The following EPHA5 variants were observed in gnomAD, a reference collection of about 807,000 sequenced individuals.
The protein encoded by EPHA5 is EPH receptor A5.
A neutral mutation model predicts 105.0 loss-of-function variants in EPHA5; 60 were observed. That is an observed-to-expected ratio of 0.57 (90% CI 0.46 to 0.71). EPHA5 has a LOEUF of 0.71. Among genes scored for constraint, EPHA5 ranks in the 30% least tolerant of loss-of-function variants. EPHA5 has a pLI of 0.00. For synonymous variants in EPHA5, 513 were observed against 449.1 expected (o/e 1.14, Z -1.80); for missense variants, 1,218 against 1,274.7 (o/e 0.96, Z 0.68).
At chr4:65,465,947 T>C (rs1225056242) in intron 5 of EPHA5, among the ~76,000 whole-genome samples, 2 of 152,238 alleles carry the variant, frequency 1.3e-5, no homozygotes, top group African/African-American at 4.8e-5. Context: ...AGTAAACAAA[T>C]TATACTATCC....
chr4:65,348,779 A>ATGTGTGTGTGTGTG (rs758698685), intron 13 of EPHA5, among the ~76,000 whole-genome samples: 2 of 69,568 alleles, frequency 2.9e-5, no homozygotes, highest in Admixed American at 2.4e-4. Context: ...ATGTGTGTGC[A>ATGTGTGTGTGTGTG]TGTGTGTGTG....
At chr4:65,339,275 C>T (rs1328359252) in intron 14 of EPHA5, among the ~76,000 whole-genome samples, 2 of 152,020 alleles carry the variant, frequency 1.3e-5, no homozygotes, top group Non-Finnish European at 2.9e-5. Context: ...GGTTGCTTTT[C>T]CCACCCACAG....
At chr4:65,467,149 G>A (rs1250537488) in intron 5 of EPHA5, among the ~76,000 whole-genome samples, 3 of 152,108 alleles carry the variant, frequency 2.0e-5, no homozygotes, top group Admixed American at 1.3e-4. Flanking sequence ...AAAGTACAAA[G>A]AGATTACTTT....
At chr4:65,377,154 G>A (rs1474984885) in intron 8 of EPHA5, 2 of 1,236,278 alleles carry the variant, frequency 1.6e-6, no homozygotes, top group East Asian at 5.4e-5. Flanking sequence ...TCAGGTGTCT[G>A]CTTTCCTTTT....
chr4:65,401,556 A>G (rs1488349786), intron 8 of EPHA5, among the ~76,000 whole-genome samples: 2 of 152,150 alleles, frequency 1.3e-5, no homozygotes, highest in African/African-American at 2.4e-5. Context: ...TTTCTAAAAA[A>G]CTATAAGCCT....
chr4:65,639,295 G>T (rs190536209), intron 2 of EPHA5, among the ~76,000 whole-genome samples: 1 of 152,248 alleles, frequency 6.6e-6, no homozygotes, highest in East Asian at 1.9e-4. Flanking sequence ...ATTTATAGTT[G>T]CACAGATTTT....
At chr4:65,367,573 G>A in intron 8 of EPHA5, 149 bp from the exon 9 acceptor site, 1 of 675,630 alleles carries the variant, frequency 1.5e-6, no homozygotes. Context: ...CTAGTAGTTT[G>A]GATGAGACCT....
rs901230232 is a variant in EPHA5 at position 65,491,552 on chromosome 4, A to G, written c.1067-840T>C. Reference sequence around the variant, plus strand: ...ACAAATATTTTCATAGAATCATAACATATTAACTACGAATAGCTTTCAGGA... The same window carrying G: ...ACAAATATTTTCATAGAATCATAACGTATTAACTACGAATAGCTTTCAGGA... On this transcript the variant is annotated intron_variant, in intron 4 of 16. Transcript: ENST00000613740. Among the ~76,000 whole-genome samples, 5 of 152,222 alleles carry G rather than the reference A, an allele frequency of 3.3e-5. No homozygotes were observed. In the East Asian group the frequency reaches 7.7e-4, roughly 24 times the overall value.
intron 3 of EPHA5, among the ~76,000 whole-genome samples, chr4:65,518,798 G>T (rs930844565): frequency 6.6e-6 from 1 of 152,096 alleles, no homozygotes; most frequent in East Asian, 1.9e-4. Flanking sequence ...AACAATAACA[G>T]GCTCTGAAAT....
chr4:65,416,595 G>A (rs528737007), intron 6 of EPHA5, among the ~76,000 whole-genome samples: 2 of 151,850 alleles, frequency 1.3e-5, no homozygotes, highest in Admixed American at 1.3e-4. Flanking sequence ...ATACTTTTTT[G>A]CCAAAAAGGA....
At chr4:65,542,497 A>T (rs982016599) in intron 3 of EPHA5, among the ~76,000 whole-genome samples, 1 of 151,988 alleles carries the variant, frequency 6.6e-6, no homozygotes, top group African/African-American at 2.4e-5. Context: ...TCCTGGACAC[A>T]TACACCCTCC....
chr4:65,441,605 G>A (rs1223113242), intron 5 of EPHA5, among the ~76,000 whole-genome samples: 1 of 152,098 alleles, frequency 6.6e-6, no homozygotes, highest in African/African-American at 2.4e-5. Flanking sequence ...CAATTGGAAT[G>A]ACCTAGAAGA....
At chr4:65,392,367 G>T (rs987219733) in intron 8 of EPHA5, among the ~76,000 whole-genome samples, 1 of 151,902 alleles carries the variant, frequency 6.6e-6, no homozygotes, top group Non-Finnish European at 1.5e-5. Context: ...TAAAATCAGG[G>T]ATTGTATATA....
chr4:65,503,144 G>A (rs1314883663), intron 3 of EPHA5, among the ~76,000 whole-genome samples: 1 of 151,662 alleles, frequency 6.6e-6, no homozygotes, highest in Non-Finnish European at 1.5e-5. Flanking sequence ...GTTGAGTCAG[G>A]GATGAAAAGC....
At chr4:65,436,041 G>A (rs917473675) in intron 5 of EPHA5, among the ~76,000 whole-genome samples, 1 of 151,958 alleles carries the variant, frequency 6.6e-6, no homozygotes, top group Non-Finnish European at 1.5e-5. Flanking sequence ...AATGGATAAT[G>A]ATAACAACCC....
intron 1 of EPHA5, among the ~76,000 whole-genome samples, chr4:65,653,882 T>G (rs78608907): frequency 0.082 from 12,516 of 152,112 alleles, 1,339 homozygotes; most frequent in African/African-American, 0.25. Flanking sequence ...ATATGCTTCA[T>G]ATCAGACCAT....
At chr4:65,626,695 T>C (rs964901687) in intron 2 of EPHA5, among the ~76,000 whole-genome samples, 1 of 152,192 alleles carries the variant, frequency 6.6e-6, no homozygotes, top group Non-Finnish European at 1.5e-5. Flanking sequence ...ACGATCTACA[T>C]GCTCACATGT....
rs142122166 is a variant in EPHA5, at chr4:65,668,555, C to T, written c.181+1007G>A. On this transcript the variant is annotated intron_variant, in intron 1 of 16. Coordinates refer to ENST00000613740, the MANE Select transcript of EPHA5 (RefSeq NM_001281766.3). ...GCTCAGTCCGGGTGTGGGAGAGGAGCAAGCGCTGCTGGAGGGGACCCAAAG... is the reference window on the plus strand; with the variant it reads ...GCTCAGTCCGGGTGTGGGAGAGGAGTAAGCGCTGCTGGAGGGGACCCAAAG... Among the ~76,000 whole-genome samples, 308 of 152,220 alleles carry T rather than the reference C, an allele frequency of 2.0e-3. 2 individuals are homozygous for T. Among genetic ancestry groups the T allele is most frequent in the African/African-American group, 7.0e-3 (289 of 41,544 alleles).
chr4:65,404,551 T>C (rs1454291390), intron 7 of EPHA5, 72 bp from the exon 8 acceptor site: 5 of 1,305,256 alleles, frequency 3.8e-6, no homozygotes, highest in Admixed American at 3.6e-5. Flanking sequence ...AGTTGCTTAA[T>C]AGACAGTAAT....
Sources: allele counts gnomAD v4.1 joint callset (sites outside exome capture counted in the v4.1 genomes callset), GRCh38; gene constraint gnomAD v4.1.1; transcripts MANE v1.5; gene names NCBI Gene and HGNC (gene_info 2026-07-23, HGNC 2026-07-21).